Variants in INO80 observed in about 807,000 individuals in gnomAD.
INO80 encodes chromatin-remodeling ATPase INO80.
A neutral mutation model predicts 203.4 loss-of-function variants in INO80; 20 were observed. The ratio of observed to expected loss-of-function variants is 0.10; its 90% CI spans 0.07 to 0.14. INO80 has a LOEUF of 0.14. INO80 is among the 10% of genes least tolerant of loss of function. The probability of loss-of-function intolerance (pLI) is 1.00; values close to 1 mark genes in which losing one functional copy is unlikely to be tolerated. For synonymous variants in INO80, 726 were observed against 685.2 expected (o/e 1.06, Z -0.93); for missense variants, 1,419 against 1,914.4 (o/e 0.74, Z 4.83).
intron 7 of INO80, 134 bp from the exon 8 acceptor site, chr15:41,081,207 G>A: frequency 1.7e-6 from 1 of 603,098 alleles, no homozygotes; most frequent in Non-Finnish European, 2.9e-6. Flanking sequence ...ACTTCTATAA[G>A]TCATCCAGAT....
intron 1 of INO80, among the ~76,000 whole-genome samples, chr15:41,113,359 C>A (rs1049549774): frequency 1.3e-5 from 2 of 151,968 alleles, no homozygotes; most frequent in Non-Finnish European, 2.9e-5. Flanking sequence ...CTCCGCCTCC[C>A]GGGTTCAAGC....
chr15:40,999,963 T>C (rs2043937143), intron 28 of INO80, among the ~76,000 whole-genome samples: 1 of 152,104 alleles, frequency 6.6e-6, no homozygotes, highest in African/African-American at 2.4e-5. Flanking sequence ...CCAGGCATGG[T>C]GGCACACACC....
intron 1 of INO80, among the ~76,000 whole-genome samples, chr15:41,099,740 C>A (rs1463232415): frequency 6.6e-6 from 1 of 151,782 alleles, no homozygotes; most frequent in Non-Finnish European, 1.5e-5. Flanking sequence ...CATGAACGCA[C>A]CACTGTACTC....
At chr15:41,042,415 G>A (rs768993237) in intron 24 of INO80, among the ~76,000 whole-genome samples, 3 of 152,108 alleles carry the variant, frequency 2.0e-5, no homozygotes, top group Non-Finnish European at 4.4e-5. Context: ...GCCTTCCGAA[G>A]TGCTAGGATT....
chr15:41,094,176 C>A (rs190119415), intron 4 of INO80, among the ~76,000 whole-genome samples: 12 of 152,312 alleles, frequency 7.9e-5, no homozygotes, highest in Non-Finnish European at 7.3e-5. Flanking sequence ...TTAACAACCT[C>A]TCTGCTTGTA....
intron 7 of INO80, among the ~76,000 whole-genome samples, chr15:41,081,479 C>G (rs1204947984): frequency 6.6e-6 from 1 of 152,154 alleles, no homozygotes; most frequent in Non-Finnish European, 1.5e-5. Context: ...GAAAGATAAA[C>G]TAGTCTCCTA....
intron 11 of INO80, among the ~76,000 whole-genome samples, chr15:41,073,166 T>C (rs1330109632): frequency 6.6e-6 from 1 of 152,140 alleles, no homozygotes; most frequent in Non-Finnish European, 1.5e-5. Flanking sequence ...AAATACAAAC[T>C]GTTCTAACTT....
At chr15:40,999,181 AATTTT>A (rs1443782138) in intron 28 of INO80, 2 of 152,352 alleles carry the variant, frequency 1.3e-5, no homozygotes, top group East Asian at 3.8e-4. Context: ...GTGTAAAATT[AATTTT>A]ATTTTGTGGA....
At chr15:41,046,881 G>T (rs1267417912) in intron 23 of INO80, among the ~76,000 whole-genome samples, 3 of 151,764 alleles carry the variant, frequency 2.0e-5, no homozygotes, top group South Asian at 2.1e-4. Context: ...GCCTCCCAAA[G>T]TGCTGGGATT....
intron 25 of INO80, among the ~76,000 whole-genome samples, chr15:41,026,972 A>G (rs1417553413): frequency 1.3e-5 from 2 of 152,260 alleles, no homozygotes; most frequent in Non-Finnish European, 2.9e-5. Context: ...GCTAAAGTTG[A>G]AACCACAATA....
chr15:41,036,182 A>C (rs896065147), intron 24 of INO80, among the ~76,000 whole-genome samples: 3 of 149,360 alleles, frequency 2.0e-5, no homozygotes, highest in African/African-American at 7.3e-5. Context: ...AAAAAAAAAA[A>C]AAACCCAAAA....
At chr15:41,083,878 A>G (rs1330422575) in intron 7 of INO80, among the ~76,000 whole-genome samples, 2 of 151,998 alleles carry the variant, frequency 1.3e-5, no homozygotes, top group African/African-American at 2.4e-5. Flanking sequence ...AGCTTATTCT[A>G]CTCATCTATT....
chr15:41,005,853 A>G (rs1331440452), intron 27 of INO80, among the ~76,000 whole-genome samples, 166 bp from the exon 28 acceptor site: 1 of 150,670 alleles, frequency 6.6e-6, no homozygotes, highest in Non-Finnish European at 1.5e-5. Context: ...TCTGTAAATG[A>G]GTTTACTGCC....
chr15:41,075,019 G>A lies in INO80; in HGVS notation c.1132-454C>T, dbSNP rs150688026. On this transcript the variant is annotated intron_variant, in intron 9 of 35. Transcript: ENST00000648947. ...CCCAAAGTGCTGGGATTACAGGCAT[G>A]AGCCACCACACCTGGCACAATGAAT... Among the ~76,000 whole-genome samples, 1,214 of 152,242 alleles carry A rather than the reference G, an allele frequency of 8.0e-3. 20 individuals carry two copies. Among genetic ancestry groups the A allele is most frequent in the African/African-American group, 0.026 (1,092 of 41,560 alleles).
rs528908118 is a variant in INO80, at chr15:40,981,947, TCTC to T, written c.4453+912_4453+914del. Among the ~76,000 whole-genome samples the T allele has an allele frequency of 2.2e-3, 342 of 152,234 alleles. 1 individual carries two copies. The highest frequency in any genetic ancestry group is 7.6e-3 in the African/African-American group (317 of 41,530). On this transcript the variant is annotated intron_variant, in intron 35 of 35. Transcript: ENST00000648947. ...ACCAGTCCAAATCCTTCCTCATTCT[TCTC>T]CTCCCTTTTGAATACAGACAGGCAA...
chr15:41,076,698 T>C (rs2045408190), intron 9 of INO80, among the ~76,000 whole-genome samples: 1 of 152,028 alleles, frequency 6.6e-6, no homozygotes. Context: ...GCCAAGATTA[T>C]GCCACTGCAC....
At chr15:41,098,167 T>G (rs1315166143) in intron 1 of INO80, among the ~76,000 whole-genome samples, 1 of 152,160 alleles carries the variant, frequency 6.6e-6, no homozygotes, top group Non-Finnish European at 1.5e-5. Context: ...TGATAAGCTT[T>G]AAAGGCAATC....
At chr15:40,981,506 C>G (rs566654274) in intron 35 of INO80, among the ~76,000 whole-genome samples, 4 of 151,544 alleles carry the variant, frequency 2.6e-5, no homozygotes, top group Non-Finnish European at 5.9e-5. Flanking sequence ...CCTGGAAGAA[C>G]CAATAAATGA....
In INO80 at chr15:41,031,794, A is replaced by G. The variant is rs531355837; in HGVS notation, c.2908-4058T>C. Among the ~76,000 whole-genome samples the G allele has an allele frequency of 6.6e-5, 10 of 152,130 alleles. No individual in the cohort carries two copies. In the South Asian group the frequency reaches 2.1e-3, roughly 32 times the overall value. ...ATGTGTGCGTCTTGCCGCCAGGACT[A>G]TAATATGCACACAGTAGTGAAGTCA... On this transcript the variant is annotated intron_variant, in intron 24 of 35. Transcript: ENST00000648947.
Sources: gnomAD v4.1 joint callset for allele counts (sites outside exome capture counted in the v4.1 genomes callset) on GRCh38, gnomAD v4.1.1 for gene constraint, MANE v1.5 for transcripts, NCBI Gene and HGNC (gene_info 2026-07-23, HGNC 2026-07-21) for gene names.